CIDEB: variants seen among roughly 807,000 people sequenced by gnomAD.
CIDEB encodes the protein lipid transferase CIDEB.
CIDEB carries 27 observed loss-of-function variants against 22.4 expected under a neutral mutation model. The observed-to-expected ratio is 1.21, with a 90% CI of 0.89 to 1.66. CIDEB has a LOEUF of 1.66. Among genes scored for constraint, CIDEB ranks in the 40% most tolerant of loss-of-function variants. The pLI is 0.00. For synonymous variants in CIDEB, 103 were observed against 109.5 expected, an observed-to-expected ratio of 0.94 and a Z score of 0.37; for missense variants, 289 against 268.7, an observed-to-expected ratio of 1.08 and a Z score of -0.53.
intron 3 of CIDEB, 32 bp from the exon 4 acceptor site, chr14:24,306,169 C>T (rs765851281): frequency 1.3e-6 from 2 of 1,599,518 alleles, no homozygotes; most frequent in South Asian, 1.1e-5. Context: ...GCAGTAGATC[C>T]TCATACCAGA....
At chr14:24,306,280 A>C (rs2041504474) in intron 3 of CIDEB, 94 bp downstream of exon 3, 3 of 1,549,880 alleles carry the variant, frequency 1.9e-6, no homozygotes, top group East Asian at 4.5e-5. Context: ...CTCCTCCTGC[A>C]CCTGGTCCCC....
Position 24,307,800 on chromosome 14 carries a change from C to T in CIDEB, c.41+18G>A, listed in dbSNP as rs146748676. On this transcript the variant is annotated intron_variant, in intron 1 of 4. Coordinates refer to ENST00000554411, the MANE Select transcript of CIDEB (RefSeq NM_001393339.1). ...TATCCCCTAAAGGTGGAGGGTAGAG[C>T]GGAGGGTTAGCAGTCACCTGAGTAA... 27 of 1,588,050 alleles carry T rather than the reference C, an allele frequency of 1.7e-5. No individual in the cohort carries two copies. The highest frequency in any genetic ancestry group is 5.4e-5 in the African/African-American group (4 of 74,502).
upstream of CIDEB, chr14:24,311,258 C>T (rs371811038): frequency 3.2e-5 from 52 of 1,604,606 alleles, no homozygotes; most frequent in South Asian, 3.3e-5. Context: ...GGCTGATGCT[C>T]GGCTGCTACA....
chr14:24,308,237 T>G, upstream of CIDEB: 1 of 290,952 alleles, frequency 3.4e-6, no homozygotes, highest in Non-Finnish European at 6.7e-6. Context: ...TCTCAGGCTC[T>G]GAGAAGCTGC....
At chr14:24,310,225 C>T (rs2041644729), upstream of CIDEB, 1 of 455,358 alleles carries the variant, frequency 2.2e-6, no homozygotes, top group African/African-American at 2.0e-5. Flanking sequence ...TCAGCTTCTC[C>T]AGGCCCCCAA....
Position 24,305,950 on chromosome 14 carries a change from A to C in CIDEB, c.524T>G (p.Leu175Arg), listed in dbSNP as rs1288461593. The C allele has an allele frequency of 6.2e-7, 1 of 1,613,088 alleles. No individual in the cohort carries two copies. The highest frequency in any genetic ancestry group is 1.3e-5 in the African/African-American group (1 of 74,912). Reference sequence around the variant, plus strand: ...GTATGACATGTTGATTTCTGACCTGAGTACTTTCTTTGGGCCAAGTCCTTG... The same window carrying C: ...GTATGACATGTTGATTTCTGACCTGCGTACTTTCTTTGGGCCAAGTCCTTG... The part of the protein sequence containing the change: ...DFQGLGPKKV[L>R]RELLRWTSTL... The change falls in exon 4 of 5, where the codon CTC (leucine) becomes CGC (arginine). Residue 175 changes from leucine (L) to arginine (R), a missense_variant. Coordinates refer to ENST00000554411, the MANE Select transcript of CIDEB (RefSeq NM_001393339.1).
chr14:24,306,063 G>A lies in CIDEB; in HGVS notation c.411C>T (p.Asp137=), dbSNP rs142940048. The A allele has an allele frequency of 5.6e-6, 9 of 1,614,166 alleles. No individual in the cohort carries two copies. The highest frequency in any genetic ancestry group is 2.7e-5 in the African/African-American group (2 of 75,032). The change falls in exon 4 of 5, where the codon GAC becomes GAT. Residue 137 remains aspartate (D), a synonymous_variant. Coordinates refer to ENST00000554411, the MANE Select transcript of CIDEB (RefSeq NM_001393339.1). ...GGTCTCGAGGGTTTTGCTTGTACAC[G>A]TCAAAGGTGAATCGGGCGATGTCCT... is the stretch of plus-strand genomic sequence containing the variant. ...HSKDIARFTF[D]VYKQNPRDLF... is the part of the protein sequence containing the mutation.
chr14:24,306,675 C>T (rs1183124951), intron 2 of CIDEB, 152 bp from the exon 3 acceptor site: 44 of 902,426 alleles, frequency 4.9e-5, no homozygotes, highest in Non-Finnish European at 6.4e-5. Flanking sequence ...TGCAGCTCTC[C>T]GTGTTCTTCA....
chr14:24,310,401 G>A, upstream of CIDEB: 1 of 635,046 alleles, frequency 1.6e-6, no homozygotes, highest in Non-Finnish European at 2.8e-6. Context: ...CTTTATGCCT[G>A]TTTACCACTG....
At position 24,306,489 on chromosome 14, in the gene CIDEB, G is replaced by T. The variant is rs952239656; in HGVS notation, c.221C>A (p.Thr74Asn). Reference sequence around the variant, plus strand: ...AGTTCCATCCTCCTCTAGCACCAGGGTTAGCACTCCATTCAGCAGTAGGGT... The same window carrying T: ...AGTTCCATCCTCCTCTAGCACCAGGTTTAGCACTCCATTCAGCAGTAGGGT... ...LETLLLNGVL[T>N]LVLEEDGTAV... Residue 74 changes from threonine to asparagine, a missense_variant, in exon 3 of 5, where the codon ACC becomes AAC. Physicochemically the swap from Thr to Asn is moderately conservative, Grantham distance 65 (BLOSUM62 0). Transcript: ENST00000554411. 9 of 1,614,106 alleles carry T rather than the reference G, an allele frequency of 5.6e-6. No homozygotes were observed. The highest frequency in any genetic ancestry group is 7.6e-6 in the Non-Finnish European group (9 of 1,180,052).
chr14:24,305,603 A>G lies in CIDEB; in HGVS notation c.*30T>C. ...TAGTCTTTGCAGTGGGTCGGTTGGA[A>G]TGATTCTGGGGGCAGAAGCTCAGAG... On this transcript the variant is annotated 3_prime_UTR_variant, in exon 5 of 5. Coordinates refer to ENST00000554411, the MANE Select transcript of CIDEB (RefSeq NM_001393339.1). 1 of 1,600,378 alleles carries G rather than the reference A, an allele frequency of 6.2e-7. No homozygotes were observed. Among genetic ancestry groups the G allele is most frequent in the Non-Finnish European group, 8.5e-7 (1 of 1,173,700 alleles).
In CIDEB at chr14:24,305,695, G is replaced by T. The variant is rs746371523; in HGVS notation, c.598C>A (p.Leu200Ile). The change falls in exon 5 of 5, where the codon CTT becomes ATT. Residue 200 changes from leucine to isoleucine, a missense_variant. Transcript: ENST00000554411. ...TCAGCCCCCTCCACTGCATGACGAA[G>T]GGTGGAGGAAATTCCCAGCAACATA... ...GHMLLGISST[L>I]RHAVEGAEQW... 6.2e-7 allele frequency: 1 copy of T among 1,614,210 alleles called. No homozygotes were observed. Among genetic ancestry groups the T allele is most frequent in the South Asian group, 1.1e-5 (1 of 91,088 alleles).
At chr14:24,305,798 T>A (rs1349825573) in intron 4 of CIDEB, 33 bp from the exon 5 acceptor site, 1 of 1,606,750 alleles carries the variant, frequency 6.2e-7, no homozygotes, top group African/African-American at 1.3e-5. Context: ...AATCAGATGA[T>A]TTGGAAAACT....
In CIDEB at chr14:24,305,928, T is replaced by C. The variant is rs1301377926; in HGVS notation, c.527+19A>G. ...TCCAACTGTAGGGGATGGGGCAGTATGACATGTTGATTTCTGACCTGAGTA... is the reference window on the plus strand; with the variant it reads ...TCCAACTGTAGGGGATGGGGCAGTACGACATGTTGATTTCTGACCTGAGTA... On this transcript the variant is annotated intron_variant, in intron 4 of 4. Transcript: ENST00000554411. 8 of 1,609,058 alleles carry C rather than the reference T, an allele frequency of 5.0e-6. No homozygotes were observed. Among genetic ancestry groups the C allele is most frequent in the Non-Finnish European group, 6.8e-6 (8 of 1,177,018 alleles).
At chr14:24,310,708 G>GCT, upstream of CIDEB, 1 of 1,613,290 alleles carries the variant, frequency 6.2e-7, no homozygotes, top group South Asian at 1.1e-5. Context: ...ACACTGCTGA[G>GCT]CTGGAAGACT....
rs141301146 is a variant in CIDEB at position 24,307,411 on chromosome 14, T to G, written c.146A>C (p.Lys49Thr). Reference protein sequence around the residue: ...RVCDHKRTIRKGLTAATRQEL... With the variant: ...RVCDHKRTIRTGLTAATRQEL... ...CTGGCGGGTGGCAGCTGTCAGGCCT[T>G]TCCGGATGGTCCGCTTGTGATCACA... is the stretch of plus-strand genomic sequence containing the variant. The change falls in exon 2 of 5, where the codon AAA (lysine) becomes ACA (threonine). Residue 49 changes from lysine to threonine, a missense_variant. Physicochemically the swap from Lys to Thr is moderately conservative, Grantham distance 78. Transcript: ENST00000554411. 15 of 1,613,848 alleles carry G rather than the reference T, an allele frequency of 9.3e-6. No homozygotes were observed. The highest frequency in any genetic ancestry group is 1.3e-5 in the Non-Finnish European group (15 of 1,179,958).
At chr14:24,311,378 C>T (rs1373183810), upstream of CIDEB, 8 of 1,603,276 alleles carry the variant, frequency 5.0e-6, no homozygotes, top group Non-Finnish European at 6.8e-6. Flanking sequence ...TGCTCTGGGC[C>T]CCCTACCACG....
rs778551141 is a variant in CIDEB, at chr14:24,307,327, T to A, written c.186+44A>T. ...CAAGTTGCCACTGTTGTGGAGCCCC[T>A]TGGCTACCCCTGCTATAGGAACCGA... On this transcript the variant is annotated intron_variant, in intron 2 of 4. Transcript: ENST00000554411. The A allele has an allele frequency of 1.9e-6, 3 of 1,580,076 alleles. No homozygotes were observed. The Admixed American group carries it at 5.2e-5, about 28-fold the overall frequency.
upstream of CIDEB, chr14:24,310,856 G>A: frequency 6.3e-7 from 1 of 1,592,116 alleles, no homozygotes; most frequent in South Asian, 1.1e-5. Flanking sequence ...TGCTGCACCT[G>A]GCGCTGGCCG....
Sources: allele counts gnomAD v4.1 joint callset, GRCh38; gene constraint gnomAD v4.1.1; transcripts MANE v1.5; gene names NCBI Gene and HGNC (gene_info 2026-07-23, HGNC 2026-07-21).